Variants in GRM4 observed in about 807,000 individuals in gnomAD.
GRM4 encodes glutamate metabotropic receptor 4.
GRM4 carries 28 observed loss-of-function variants against 81.7 expected under a neutral mutation model. That is an observed-to-expected ratio of 0.34 (90% CI 0.25 to 0.47). The LOEUF is 0.47. Ranked by LOEUF, GRM4 falls within the 20% of genes least tolerant of loss-of-function variation. The probability of loss-of-function intolerance (pLI) is 1.00; values close to 1 mark genes in which losing one functional copy is unlikely to be tolerated. For synonymous variants in GRM4, 488 were observed against 528.8 expected, an observed-to-expected ratio of 0.92 and a Z score of 1.06; for missense variants, 948 against 1,290.0, an observed-to-expected ratio of 0.73 and a Z score of 4.06.
At position 34,133,854 on chromosome 6, in the gene GRM4, A is replaced by T. The variant is rs1441343473; in HGVS notation, c.-358T>A. On this transcript the variant is annotated 5_prime_UTR_variant, in exon 2 of 11. The change abolishes the stop of an existing upstream ORF in the 5' untranslated region. Coordinates refer to ENST00000538487, the MANE Select transcript of GRM4 (RefSeq NM_000841.4). This position sits in a 1 kb window ranked among gnomAD's most constrained non-coding sequence, Gnocchi z 6.5. The stretch of plus-strand genomic sequence containing the variant: ...AAAACAGCTCCAATCCTCTCCTCCT[A>T]CCAACCTTAGAAGGGGAAGAGAGAG... 1 of 1,066,212 alleles carries T rather than the reference A, an allele frequency of 9.4e-7. No individual in the cohort carries two copies. The highest frequency in any genetic ancestry group is 1.1e-6 in the Non-Finnish European group (1 of 882,478). 66.0% of individuals were successfully genotyped at this position (1,066,212 alleles called of 1,614,324 possible). A position where few individuals can be genotyped will look rare whatever the true frequency, so the allele number is the denominator to read the frequency against.
chr6:34,032,455 G>T (rs1276916709), intron 9 of GRM4, among the ~76,000 whole-genome samples: 2 of 152,224 alleles, frequency 1.3e-5, no homozygotes, highest in Non-Finnish European at 2.9e-5. Context: ...ACAGCCCCAG[G>T]TTGCCTGAGT....
rs1337211543 is a variant in GRM4, at chr6:34,047,206, C to G, written c.1169-6458G>C. Among the ~76,000 whole-genome samples, 1 of 152,138 alleles carries G rather than the reference C, an allele frequency of 6.6e-6. No homozygotes were observed. The highest frequency in any genetic ancestry group is 2.4e-5 in the African/African-American group (1 of 41,410). ...GCTCTCCTTTCCTCCCTGACACGCC[C>G]CTGCTGGATGACACCCCACCCCTGG... On this transcript the variant is annotated intron_variant, in intron 6 of 10. Coordinates refer to ENST00000538487, the MANE Select transcript of GRM4 (RefSeq NM_000841.4). This position sits in a 1 kb window ranked among gnomAD's most constrained non-coding sequence, Gnocchi z 4.5.
At chr6:34,066,186 C>T (rs921586723) in intron 3 of GRM4, among the ~76,000 whole-genome samples, 3 of 152,142 alleles carry the variant, frequency 2.0e-5, no homozygotes, top group African/African-American at 7.2e-5. Flanking sequence ...AGTGCTTCCC[C>T]GTCCACACTC....
chr6:34,144,204 T>C (rs1051265466), intron 1 of GRM4, among the ~76,000 whole-genome samples: 1 of 152,130 alleles, frequency 6.6e-6, no homozygotes, highest in African/African-American at 2.4e-5. Context: ...TGCTGCCCCA[T>C]CTCAGCACAA....
chr6:34,046,465 G>A (rs901488920), intron 6 of GRM4, among the ~76,000 whole-genome samples: 3 of 152,188 alleles, frequency 2.0e-5, no homozygotes, highest in Admixed American at 6.5e-5. Flanking sequence ...GGTGATGCCC[G>A]GAAGCATGAG....
At chr6:34,077,639 G>C (rs116428173) in intron 3 of GRM4, among the ~76,000 whole-genome samples, 1,952 of 151,552 alleles carry the variant, frequency 0.013, 41 homozygotes, top group African/African-American at 0.042. Context: ...TCCACCCCCA[G>C]CCTCCTCTCC....
chr6:34,100,755 T>C (rs1290144257), intron 2 of GRM4, among the ~76,000 whole-genome samples: 1 of 152,230 alleles, frequency 6.6e-6, no homozygotes, highest in Non-Finnish European at 1.5e-5. Flanking sequence ...ACTTGAAAAG[T>C]TCTGGACAAT....
chr6:34,044,855 C>G (rs1765277391), intron 6 of GRM4, among the ~76,000 whole-genome samples: 1 of 135,742 alleles, frequency 7.4e-6, no homozygotes, highest in South Asian at 2.3e-4. Flanking sequence ...TACATAGACA[C>G]ACACACAGAC....
intron 3 of GRM4, among the ~76,000 whole-genome samples, chr6:34,063,789 G>A (rs1185152390): frequency 2.0e-5 from 3 of 152,158 alleles, no homozygotes; most frequent in Non-Finnish European, 4.4e-5. Context: ...CCTCCATATG[G>A]TTTCTTTCCA....
At chr6:34,150,144 C>T (rs1771016398), upstream of GRM4, among the ~76,000 whole-genome samples, 1 of 152,100 alleles carries the variant, frequency 6.6e-6, no homozygotes, top group Non-Finnish European at 1.5e-5. Flanking sequence ...TAAGGGCTTT[C>T]CCAGGTACAC....
rs1203163433 is a variant in GRM4 at position 34,136,525 on chromosome 6, G to A, written c.-363-2666C>T. Among the ~76,000 whole-genome samples the A allele has an allele frequency of 6.6e-6, 1 of 150,606 alleles. No homozygotes were observed. Among genetic ancestry groups the A allele is most frequent in the African/African-American group, 2.5e-5 (1 of 40,710 alleles). ...CTCACACTGGCTTCTCCTTGAGGCCGGAGCACGTCTGGGCTGAGCAGTGCA... is the reference window on the plus strand; with the variant it reads ...CTCACACTGGCTTCTCCTTGAGGCCAGAGCACGTCTGGGCTGAGCAGTGCA... On this transcript the variant is annotated intron_variant, in intron 1 of 10. Transcript: ENST00000538487. The surrounding 1 kb of genome is among the most constrained non-coding windows in gnomAD (Gnocchi z 4.1).
intron 2 of GRM4, among the ~76,000 whole-genome samples, chr6:34,110,429 C>T (rs1769325167): frequency 6.6e-6 from 1 of 152,014 alleles, no homozygotes. Context: ...AGCCCCCCTC[C>T]CCCACCCGAC....
intron 3 of GRM4, among the ~76,000 whole-genome samples, chr6:34,072,678 ACACACATCACCATACAGATACGCAC>A (rs1767004391): frequency 6.9e-6 from 1 of 145,288 alleles, no homozygotes; most frequent in African/African-American, 2.5e-5. Context: ...CACCACACAC[ACACACATCACCATACAGATACGCAC>A]CACACACACA....
Position 34,072,772 on chromosome 6 carries a change from C to T in GRM4, c.737-10744G>A, listed in dbSNP as rs560855401. 3.3e-3 allele frequency among the ~76,000 whole-genome samples: 243 copies of T among 72,866 alleles called. 3 individuals carry two copies. The highest frequency in any genetic ancestry group is 7.2e-3 in the Admixed American group (46 of 6,410). The allele number at this position is 72,866 out of a possible 152,430, so 47.8% of individuals were successfully genotyped here. On this transcript the variant is annotated intron_variant, in intron 3 of 10. Transcript: ENST00000538487. ...TCACCACACACCACACAGATACACA[C>T]CACACACAGACCCAAACACATCACC...
intron 2 of GRM4, among the ~76,000 whole-genome samples, chr6:34,131,506 A>G (rs57899596): frequency 0.06 from 9,175 of 152,204 alleles, 573 homozygotes; most frequent in African/African-American, 0.16. Flanking sequence ...GTGGGCGCAC[A>G]CGTGCTCTTC....
intron 3 of GRM4, among the ~76,000 whole-genome samples, chr6:34,083,164 T>C (rs1767696863): frequency 6.6e-6 from 1 of 152,124 alleles, no homozygotes; most frequent in Admixed American, 6.5e-5. Flanking sequence ...GACGGGAGCA[T>C]GTCCCCGTCT....
At chr6:34,129,523 T>A (rs1581726692) in intron 2 of GRM4, among the ~76,000 whole-genome samples, 1 of 152,180 alleles carries the variant, frequency 6.6e-6, no homozygotes, top group African/African-American at 2.4e-5. Flanking sequence ...AGCACCCCTG[T>A]CCTGAAAGAA....
Position 34,035,875 on chromosome 6 carries a change from C to T in GRM4, c.2235G>A (p.Lys745=). ...LDPRFARGVL[K]CDISDLSLIC... ...TGAGCGACAGGTCCGAGATGTCACA[C>T]TTGAGCACACCCCTGGCGAAGCGGG... Residue 745 remains lysine, a synonymous_variant, in exon 9 of 11, where the codon AAG becomes AAA. Coordinates refer to ENST00000538487, the MANE Select transcript of GRM4 (RefSeq NM_000841.4). The surrounding 1 kb of genome is among the most constrained non-coding windows in gnomAD (Gnocchi z 6.6). 1 of 1,610,126 alleles carries T rather than the reference C, an allele frequency of 6.2e-7. No homozygotes were observed. Among genetic ancestry groups the T allele is most frequent in the Non-Finnish European group, 8.5e-7 (1 of 1,176,688 alleles).
At chr6:34,033,969 C>A (rs1581591445) in intron 9 of GRM4, among the ~76,000 whole-genome samples, 1 of 152,118 alleles carries the variant, frequency 6.6e-6, no homozygotes, top group Non-Finnish European at 1.5e-5. Flanking sequence ...GAACTCCTGA[C>A]CTCAAGTGAT....
Sources: allele counts gnomAD v4.1 joint callset (sites outside exome capture counted in the v4.1 genomes callset), GRCh38; gene constraint gnomAD v4.1.1; non-coding constraint Gnocchi (gnomAD v3.1); transcripts MANE v1.5; gene names NCBI Gene and HGNC (gene_info 2026-07-23, HGNC 2026-07-21).